The following ANO3 variants were observed in gnomAD, a reference collection of about 807,000 sequenced individuals.
The protein encoded by ANO3 is anoctamin-3.
ANO3 carries 99 observed loss-of-function variants against 144.8 expected under a neutral mutation model. That is an observed-to-expected ratio of 0.68 (90% CI 0.58 to 0.81). The LOEUF is 0.81. Ranked by LOEUF, ANO3 falls within the 30% of genes least tolerant of loss-of-function variation. The pLI is 0.00. For synonymous variants in ANO3, 414 were observed against 392.6 expected (o/e 1.05, Z -0.64); for missense variants, 905 against 1,202.2 (o/e 0.75, Z 3.66).
At chr11:26,657,844 T>G (rs1353781419) in intron 26 of ANO3, among the ~76,000 whole-genome samples, 4 of 152,228 alleles carry the variant, frequency 2.6e-5, no homozygotes, top group Non-Finnish European at 5.9e-5. Flanking sequence ...GTCTTCCGTA[T>G]GATATTTCAT....
chr11:26,655,717 A>G (rs563742652), intron 24 of ANO3, among the ~76,000 whole-genome samples: 27 of 152,186 alleles, frequency 1.8e-4, no homozygotes, highest in Non-Finnish European at 3.7e-4. Context: ...GGTCTTGAAT[A>G]AATATATATG....
At chr11:26,276,317 G>T (rs78993682) in intron 1 of ANO3, among the ~76,000 whole-genome samples, 3,065 of 152,214 alleles carry the variant, frequency 0.02, 61 homozygotes, top group East Asian at 0.12. Context: ...ATCTGGGAAA[G>T]AACTCAGGAA....
At chr11:26,550,152 CAG>C (rs1849893487) in intron 12 of ANO3, among the ~76,000 whole-genome samples, 1 of 151,342 alleles carries the variant, frequency 6.6e-6, no homozygotes, top group Admixed American at 6.6e-5. Context: ...AAATTATCAA[CAG>C]TATTAACAAT....
intron 1 of ANO3, among the ~76,000 whole-genome samples, chr11:26,320,780 T>G (rs1183868250): frequency 6.6e-6 from 1 of 152,178 alleles, no homozygotes. Context: ...TTCTGATTAC[T>G]GTTTTGTTTG....
intron 13 of ANO3, among the ~76,000 whole-genome samples, chr11:26,556,927 C>T (rs1295552070): frequency 6.6e-6 from 1 of 152,198 alleles, no homozygotes; most frequent in Admixed American, 6.5e-5. Context: ...TTATGTTTTT[C>T]TGAACCTATA....
intron 20 of ANO3, 96 bp from the exon 21 acceptor site, chr11:26,639,048 C>A: frequency 1.2e-6 from 1 of 800,710 alleles, no homozygotes; most frequent in South Asian, 1.6e-5. Flanking sequence ...ATGGTGTGAC[C>A]CAGCTTTAAA....
At chr11:26,577,573 A>T (rs1370758728) in intron 14 of ANO3, among the ~76,000 whole-genome samples, 2 of 152,082 alleles carry the variant, frequency 1.3e-5, no homozygotes. Context: ...TCAAAAAAAA[A>T]AAAAAAAGAG....
chr11:26,356,908 A>G (rs968586143), intron 1 of ANO3, among the ~76,000 whole-genome samples: 1 of 152,050 alleles, frequency 6.6e-6, no homozygotes, highest in Non-Finnish European at 1.5e-5. Context: ...TTGTAGTCAA[A>G]TTTCTCTTCT....
In ANO3 at chr11:26,532,476, T is replaced by G. The variant is rs150812866; in HGVS notation, c.869+1140T>G. ...AGCCACATCATACAACCACCTTTCT[T>G]AAGACTCTGAAACAGTTTCCCATTT... is the stretch of plus-strand genomic sequence containing the variant. On this transcript the variant is annotated intron_variant, in intron 8 of 26. Transcript: ENST00000256737. Among the ~76,000 whole-genome samples the G allele has an allele frequency of 1.1e-4, 17 of 152,300 alleles. No individual in the cohort carries two copies. In the East Asian group the frequency reaches 3.1e-3, roughly 28 times the overall value.
At chr11:26,563,160 TC>T in intron 14 of ANO3, 2 of 1,612,398 alleles carry the variant, frequency 1.2e-6, no homozygotes, top group East Asian at 4.5e-5. Context: ...GGAAAATGAA[TC>T]CGTTTTCCTT....
chr11:26,226,223 C>G (rs191021969), intron 1 of ANO3, among the ~76,000 whole-genome samples: 1 of 151,852 alleles, frequency 6.6e-6, no homozygotes, highest in Non-Finnish European at 1.5e-5. Context: ...GAAGGCAAGA[C>G]AGATGGTGTG....
intron 1 of ANO3, among the ~76,000 whole-genome samples, chr11:26,404,063 A>T (rs891410113): frequency 6.6e-6 from 1 of 151,742 alleles, no homozygotes; most frequent in African/African-American, 2.4e-5. Context: ...CTTACATTGC[A>T]TGCATTTATT....
intron 4 of ANO3, among the ~76,000 whole-genome samples, chr11:26,497,657 A>G (rs937062345): frequency 2.0e-5 from 3 of 152,064 alleles, no homozygotes; most frequent in African/African-American, 7.2e-5. Flanking sequence ...CATGTTGGAA[A>G]TCATCAAGTG....
chr11:26,542,996 A>C (rs1309753855), intron 11 of ANO3, among the ~76,000 whole-genome samples: 2 of 152,106 alleles, frequency 1.3e-5, no homozygotes, highest in African/African-American at 4.8e-5. Context: ...AGAGAATTTA[A>C]TAAAAGAACT....
intron 17 of ANO3, among the ~76,000 whole-genome samples, chr11:26,600,719 A>C (rs1343700665): frequency 6.7e-6 from 1 of 149,516 alleles, no homozygotes; most frequent in Non-Finnish European, 1.5e-5. Context: ...TCAGGAAGAT[A>C]ACTGTTTTTT....
At chr11:26,472,653 G>A (rs558546582) in intron 4 of ANO3, among the ~76,000 whole-genome samples, 10 of 151,978 alleles carry the variant, frequency 6.6e-5, no homozygotes, top group Non-Finnish European at 1.2e-4. Context: ...CATGAATATT[G>A]TGGGTTTTTT....
intron 4 of ANO3, among the ~76,000 whole-genome samples, chr11:26,496,974 G>GTATATACATATATATATA (rs1554962021): frequency 1.5e-5 from 2 of 136,510 alleles, no homozygotes; most frequent in African/African-American, 5.5e-5. Flanking sequence ...AATGTTGTGT[G>GTATATACATATATATATA]TATATATATA....
Position 26,201,569 on chromosome 11 carries a change from T to C in ANO3, c.154+12239T>C, listed in dbSNP as rs143886382. On this transcript the variant is annotated intron_variant, in intron 1 of 27. Coordinates refer to the ANO3 transcript ENST00000672621. ...ATAAACATATGAAGAGCTGACTGAC[T>C]CTGACTTCGATCAAAAGCTAAGTGA... 2.4e-4 allele frequency among the ~76,000 whole-genome samples: 36 copies of C among 152,132 alleles called. 1 individual carries two copies. Among genetic ancestry groups the C allele is most frequent in the Admixed American group, 6.6e-4 (10 of 15,256 alleles).
chr11:26,642,136 CA>C (rs1853176798), intron 22 of ANO3, 107 bp downstream of exon 22: 9 of 1,291,706 alleles, frequency 7.0e-6, no homozygotes, highest in Non-Finnish European at 6.4e-6. Context: ...TTTCCAACCC[CA>C]AGCATTCTAA....
Sources: allele counts gnomAD v4.1 joint callset (sites outside exome capture counted in the v4.1 genomes callset), GRCh38; gene constraint gnomAD v4.1.1; transcripts MANE v1.5; gene names NCBI Gene and HGNC (gene_info 2026-07-23, HGNC 2026-07-21).